Variants in FAM135A observed in about 807,000 individuals in gnomAD.
FAM135A encodes the protein protein FAM135A.
FAM135A carries 79 observed loss-of-function variants against 146.8 expected under a neutral mutation model. The observed-to-expected ratio is 0.54, with a 90% CI of 0.45 to 0.65. FAM135A has a LOEUF of 0.65. Ranked by LOEUF, FAM135A falls within the 30% of genes least tolerant of loss-of-function variation. The pLI, the probability that FAM135A is intolerant of heterozygous loss-of-function variation, is 0.00. For synonymous variants in FAM135A, 562 were observed against 603.6 expected, an observed-to-expected ratio of 0.93 and a Z score of 1.01; for missense variants, 1,623 against 1,758.2, an observed-to-expected ratio of 0.92 and a Z score of 1.38.
chr6:70,547,232 T>C (rs946267430), intron 20 of FAM135A, among the ~76,000 whole-genome samples: 2 of 152,158 alleles, frequency 1.3e-5, no homozygotes, highest in African/African-American at 4.8e-5. Flanking sequence ...GATTTAATCT[T>C]AGGTATCACT....
In FAM135A at chr6:70,525,656, T is replaced by C; in HGVS notation, c.2572T>C (p.Ser858Pro). ...ELSPDENSKK[S>P]VVPECHLNDS... ...GTCACCTGATGAAAATTCTAAGAAATCTGTTGTACCTGAATGCCATCTAAA... is the reference window on the plus strand; with the variant it reads ...GTCACCTGATGAAAATTCTAAGAAACCTGTTGTACCTGAATGCCATCTAAA... The change falls in exon 15 of 22, where the codon TCT becomes CCT. Residue 858 changes from serine to proline, a missense_variant. Physicochemically the swap from Ser to Pro is moderately conservative, Grantham distance 74. This residue lies in a region of FAM135A where 1,061 missense variants were observed against 1,113.8 expected (regional missense o/e 0.95). Transcript: ENST00000418814. 1.2e-6 allele frequency: 2 copies of C among 1,612,610 alleles called. No individual in the cohort carries two copies. The highest frequency in any genetic ancestry group is 3.3e-4 in the Middle Eastern group (2 of 6,052).
intron 19 of FAM135A, 56 bp downstream of exon 19, chr6:70,536,467 C>CT (rs908887592): frequency 1.1e-5 from 15 of 1,343,648 alleles, no homozygotes; most frequent in Non-Finnish European, 1.4e-5. Flanking sequence ...AAAATATGAA[C>CT]TTAGTATTTT....
intron 5 of FAM135A, among the ~76,000 whole-genome samples, chr6:70,470,861 G>T (rs1247361745): frequency 6.6e-6 from 1 of 152,294 alleles, no homozygotes; most frequent in Admixed American, 6.5e-5. Flanking sequence ...AGAGAAATAG[G>T]GAGTTTGTCT....
At chr6:70,504,769 T>G (rs1055856010) in intron 12 of FAM135A, 5 of 152,060 alleles carry the variant, frequency 3.3e-5, no homozygotes, top group African/African-American at 1.2e-4. Context: ...GGTCAGGAGT[T>G]CAAGACCAGC....
chr6:70,502,513 A>C, intron 11 of FAM135A, 123 bp from the exon 12 acceptor site: 1 of 923,490 alleles, frequency 1.1e-6, no homozygotes, highest in Admixed American at 2.7e-5. Context: ...TGCACATACA[A>C]ATGCACATCT....
chr6:70,470,187 T>C (rs981712939), intron 5 of FAM135A, among the ~76,000 whole-genome samples: 1 of 152,200 alleles, frequency 6.6e-6, no homozygotes, highest in Non-Finnish European at 1.5e-5. Flanking sequence ...AAAGTCTGAT[T>C]GGAGTATGAA....
At chr6:70,446,171 T>G (rs1562434183) in intron 4 of FAM135A, among the ~76,000 whole-genome samples, 1 of 152,244 alleles carries the variant, frequency 6.6e-6, no homozygotes, top group African/African-American at 2.4e-5. Flanking sequence ...AAAGACAAGT[T>G]TGTGGAGTGT....
chr6:70,511,824 C>T (rs866072033), intron 12 of FAM135A, among the ~76,000 whole-genome samples: 1 of 151,664 alleles, frequency 6.6e-6, no homozygotes, highest in African/African-American at 2.4e-5. Flanking sequence ...CAGCCTGTTA[C>T]TCCTACGCTA....
intron 2 of FAM135A, among the ~76,000 whole-genome samples, chr6:70,417,349 A>G (rs1767791283): frequency 6.6e-6 from 1 of 151,294 alleles, no homozygotes; most frequent in South Asian, 2.1e-4. Context: ...AAGTAGCTGG[A>G]ATTACATGCC....
intron 20 of FAM135A, among the ~76,000 whole-genome samples, chr6:70,539,777 C>G (rs1010226961): frequency 6.6e-6 from 1 of 152,178 alleles, no homozygotes; most frequent in East Asian, 1.9e-4. Context: ...GGGCGGATCA[C>G]GAGGTCAGGA....
chr6:70,543,313 T>A (rs370454112), intron 20 of FAM135A, among the ~76,000 whole-genome samples: 1 of 152,174 alleles, frequency 6.6e-6, no homozygotes, highest in Non-Finnish European at 1.5e-5. Flanking sequence ...ATTCTACTCT[T>A]GAAATATTTG....
rs1179072858 is a variant in FAM135A at position 70,534,312 on chromosome 6, C to CTTTTTTT, written c.3965+477_3965+483dup. Among the ~76,000 whole-genome samples, 42 of 89,804 alleles carry CTTTTTTT rather than the reference C, an allele frequency of 4.7e-4. 2 individuals are homozygous for CTTTTTTT. The highest frequency in any genetic ancestry group is 1.2e-3 in the African/African-American group (26 of 20,954). The allele number at this position is 89,804 out of a possible 152,430, so 58.9% of individuals were successfully genotyped here. A position where few individuals can be genotyped will look rare whatever the true frequency, so the allele number is the denominator to read the frequency against. Reference sequence around the variant, plus strand: ...CAAAAATACTTTCAAAGTTTGTATACTTTTTTTTTTTTTTTTTTTTTTTTT... The same window carrying CTTTTTTT: ...CAAAAATACTTTCAAAGTTTGTATACTTTTTTTTTTTTTTTTTTTTTTTTTTTTTTTT... On this transcript the variant is annotated intron_variant, in intron 18 of 21. Transcript: ENST00000418814.
At chr6:70,455,582 A>T (rs1287888615) in intron 5 of FAM135A, among the ~76,000 whole-genome samples, 1 of 152,168 alleles carries the variant, frequency 6.6e-6, no homozygotes, top group East Asian at 1.9e-4. Flanking sequence ...AGAGGTAATA[A>T]AACAAGGTGA....
chr6:70,436,880 GAA>G (rs200417017), intron 4 of FAM135A, among the ~76,000 whole-genome samples: 1 of 150,588 alleles, frequency 6.6e-6, no homozygotes, highest in South Asian at 2.1e-4. Flanking sequence ...TTAACTGTGG[GAA>G]AAAAAAACTA....
At chr6:70,474,438 A>T (rs1255822209) in intron 5 of FAM135A, among the ~76,000 whole-genome samples, 1 of 152,178 alleles carries the variant, frequency 6.6e-6, no homozygotes, top group Non-Finnish European at 1.5e-5. Context: ...CACGTCAGCC[A>T]TGAGTTTAGT....
chr6:70,520,301 C>T (rs772837182), intron 12 of FAM135A, among the ~76,000 whole-genome samples: 1 of 151,812 alleles, frequency 6.6e-6, no homozygotes, highest in Non-Finnish European at 1.5e-5. Flanking sequence ...TGAGTTAGTG[C>T]AAGGACGTAA....
intron 5 of FAM135A, among the ~76,000 whole-genome samples, chr6:70,453,087 G>A (rs987802917): frequency 6.6e-6 from 1 of 152,098 alleles, no homozygotes; most frequent in Admixed American, 6.5e-5. Context: ...CAGCATTAAA[G>A]GGGTTAAGTT....
intron 5 of FAM135A, among the ~76,000 whole-genome samples, chr6:70,454,115 G>A (rs1777741178): frequency 6.6e-6 from 1 of 152,104 alleles, no homozygotes; most frequent in African/African-American, 2.4e-5. Context: ...TCTAACTGGT[G>A]TGACTCATTG....
chr6:70,523,902 TTC>T, intron 13 of FAM135A, 63 bp from the exon 14 acceptor site: 6 of 1,516,160 alleles, frequency 4.0e-6, no homozygotes, highest in Non-Finnish European at 5.4e-6. Flanking sequence ...AAAGGGTAGA[TTC>T]TACAAAGGGG....
Sources: gnomAD v4.1 joint callset for allele counts (sites outside exome capture counted in the v4.1 genomes callset) on GRCh38, gnomAD v4.1.1 for gene constraint, gnomAD v4.1.1 regional missense constraint, MANE v1.5 for transcripts, NCBI Gene and HGNC (gene_info 2026-07-23, HGNC 2026-07-21) for gene names.